The following SH3RF3 variants were observed in gnomAD, a reference collection of about 807,000 sequenced individuals.
SH3RF3 encodes the protein E3 ubiquitin-protein ligase SH3RF3.
A neutral mutation model predicts 66.3 loss-of-function variants in SH3RF3; 29 were observed. The observed-to-expected ratio is 0.44, with a 90% CI of 0.33 to 0.60. The LOEUF (loss-of-function observed/expected upper bound fraction) is 0.60, where lower values mean the gene tolerates loss of function less well. SH3RF3 is among the 20% of genes least tolerant of loss of function. The pLI is 0.04. For synonymous variants in SH3RF3, 583 were observed against 532.0 expected, an observed-to-expected ratio of 1.10 and a Z score of -1.32; for missense variants, 1,194 against 1,190.9, an observed-to-expected ratio of 1.00 and a Z score of -0.04.
chr2:109,159,894 A>G lies in SH3RF3; in HGVS notation c.573+29781A>G, dbSNP rs558853837. On this transcript the variant is annotated intron_variant, in intron 1 of 9. Transcript: ENST00000309415. ...TGTCTAGTTGCAGAAAAGCAAACTC[A>G]TGGCTCCAACTGATTCTACATTATG... Among the ~76,000 whole-genome samples, 155 of 152,320 alleles carry G rather than the reference A, an allele frequency of 1.0e-3. 1 individual carries two copies. The highest frequency in any genetic ancestry group is 2.0e-3 in the Non-Finnish European group (139 of 68,028).
rs139971277 is a variant in SH3RF3 at position 109,208,058 on chromosome 2, C to G, written c.573+77945C>G. ...CGATTTGTTAAATTCAACAATTCTG[C>G]AAATATTTACGGAATGCCTGTGCTG... On this transcript the variant is annotated intron_variant, in intron 1 of 9. Transcript: ENST00000309415. Among the ~76,000 whole-genome samples, 1,452 of 152,284 alleles carry G rather than the reference C, an allele frequency of 9.5e-3. 24 individuals are homozygous for G. Among genetic ancestry groups the G allele is most frequent in the African/African-American group, 0.032 (1,344 of 41,560 alleles).
chr2:109,497,411 C>G (rs918804370), intron 9 of SH3RF3, among the ~76,000 whole-genome samples: 1 of 152,196 alleles, frequency 6.6e-6, no homozygotes, highest in Admixed American at 6.5e-5. Flanking sequence ...ATCCAAACCT[C>G]GCACACAGAG....
intron 1 of SH3RF3, among the ~76,000 whole-genome samples, chr2:109,234,080 G>A (rs1679585121): frequency 1.3e-5 from 2 of 152,210 alleles, no homozygotes; most frequent in South Asian, 4.1e-4. Flanking sequence ...TTTAGGAGTA[G>A]AATTGCTGGA....
At chr2:109,252,220 C>T (rs1014415246) in intron 1 of SH3RF3, among the ~76,000 whole-genome samples, 3 of 151,366 alleles carry the variant, frequency 2.0e-5, no homozygotes, top group African/African-American at 7.3e-5. Flanking sequence ...TGCGCTCCAG[C>T]CCAGGTGACA....
rs1215827399 is a variant in SH3RF3 at position 109,283,948 on chromosome 2, C to T, written c.574-63726C>T. Among the ~76,000 whole-genome samples the T allele has an allele frequency of 3.9e-5, 6 of 152,140 alleles. No individual in the cohort carries two copies. In the South Asian group the frequency reaches 6.2e-4, roughly 16 times the overall value. On this transcript the variant is annotated intron_variant, in intron 1 of 9. Coordinates refer to ENST00000309415, the MANE Select transcript of SH3RF3 (RefSeq NM_001099289.3). ...ATCTCACTTGGGGAGGCCGTGTTTC[C>T]GCCTCCCTCCTGTCCCCACACCTCT...
intron 7 of SH3RF3, among the ~76,000 whole-genome samples, chr2:109,444,056 A>C (rs749812392): frequency 2.6e-5 from 4 of 152,234 alleles, no homozygotes; most frequent in Non-Finnish European, 4.4e-5. Context: ...TTCCCTGACC[A>C]CAGTGGCATT....
intron 1 of SH3RF3, among the ~76,000 whole-genome samples, chr2:109,216,116 A>G (rs1203254848): frequency 2.0e-5 from 3 of 152,108 alleles, no homozygotes; most frequent in Non-Finnish European, 4.4e-5. Flanking sequence ...AACCCGGGGG[A>G]CATCGTGAGG....
Position 109,230,067 on chromosome 2 carries a change from G to A in SH3RF3, c.573+99954G>A, listed in dbSNP as rs545744605. 3.8e-4 allele frequency among the ~76,000 whole-genome samples: 58 copies of A among 151,696 alleles called. No individual in the cohort carries two copies. In the East Asian group the frequency reaches 3.9e-3, roughly 10 times the overall value. On this transcript the variant is annotated intron_variant, in intron 1 of 9. Transcript: ENST00000309415. ...TCTCGATCTCTTGACTTCGTGATCCGCCCGCCTCAGCCTCCCAAAGTGCTG... is the reference window on the plus strand; with the variant it reads ...TCTCGATCTCTTGACTTCGTGATCCACCCGCCTCAGCCTCCCAAAGTGCTG...
At chr2:109,207,465 T>C (rs1678867845) in intron 1 of SH3RF3, among the ~76,000 whole-genome samples, 1 of 152,214 alleles carries the variant, frequency 6.6e-6, no homozygotes, top group Non-Finnish European at 1.5e-5. Context: ...GGTAATTATA[T>C]ATGTAATAAT....
At chr2:109,401,294 A>C (rs1455912858) in intron 4 of SH3RF3, among the ~76,000 whole-genome samples, 1 of 152,206 alleles carries the variant, frequency 6.6e-6, no homozygotes, top group Non-Finnish European at 1.5e-5. Context: ...TTTGGCTCAA[A>C]GGGAAGTTGC....
At chr2:109,416,789 C>G (rs1040094003) in intron 4 of SH3RF3, among the ~76,000 whole-genome samples, 1 of 151,716 alleles carries the variant, frequency 6.6e-6, no homozygotes, top group Non-Finnish European at 1.5e-5. Flanking sequence ...AACTGTAATC[C>G]CGGCTACTCA....
At chr2:109,248,775 TTCTTTCTGTCTTTC>T (rs941533836) in intron 1 of SH3RF3, among the ~76,000 whole-genome samples, 11 of 151,154 alleles carry the variant, frequency 7.3e-5, no homozygotes, top group African/African-American at 2.7e-4. Flanking sequence ...TCTCTTTCTC[TTCTTTCTGTCTTTC>T]TCTTTCTGTC....
At chr2:109,134,007 G>T (rs2104806138) in intron 1 of SH3RF3, among the ~76,000 whole-genome samples, 1 of 152,290 alleles carries the variant, frequency 6.6e-6, no homozygotes, top group Admixed American at 6.5e-5. Flanking sequence ...GGTGTCTATG[G>T]TATCTGGAAG....
chr2:109,151,032 A>C (rs1289176873), intron 1 of SH3RF3, among the ~76,000 whole-genome samples: 1 of 152,182 alleles, frequency 6.6e-6, no homozygotes, highest in Admixed American at 6.5e-5. Context: ...AGTGCAATGC[A>C]AGGGAGAGGC....
At chr2:109,138,104 C>T (rs1324590489) in intron 1 of SH3RF3, among the ~76,000 whole-genome samples, 1 of 152,240 alleles carries the variant, frequency 6.6e-6, no homozygotes, top group Non-Finnish European at 1.5e-5. Flanking sequence ...CTACCTCCGC[C>T]TCCAGGGTTC....
chr2:109,385,088 C>T (rs1012782714), intron 3 of SH3RF3, among the ~76,000 whole-genome samples: 2 of 152,204 alleles, frequency 1.3e-5, no homozygotes, highest in African/African-American at 2.4e-5. Context: ...TTCATCTGTC[C>T]CTTCCTCTGT....
intron 1 of SH3RF3, among the ~76,000 whole-genome samples, chr2:109,235,694 G>T (rs957880708): frequency 6.6e-6 from 1 of 152,228 alleles, no homozygotes; most frequent in Non-Finnish European, 1.5e-5. Context: ...CCAACATAAA[G>T]ATTGAAGGTG....
chr2:109,429,139 G>A (rs1573244074), intron 5 of SH3RF3, among the ~76,000 whole-genome samples: 3 of 152,220 alleles, frequency 2.0e-5, no homozygotes, highest in South Asian at 2.1e-4. Flanking sequence ...GGCCGGTCTC[G>A]GCACAAATTG....
intron 1 of SH3RF3, among the ~76,000 whole-genome samples, chr2:109,189,775 T>C (rs946825163): frequency 6.6e-6 from 1 of 152,212 alleles, no homozygotes; most frequent in Admixed American, 6.5e-5. Flanking sequence ...AAGCAGATCT[T>C]TTACAAGTTC....
Sources: gnomAD v4.1 joint callset for allele counts (sites outside exome capture counted in the v4.1 genomes callset) on GRCh38, gnomAD v4.1.1 for gene constraint, MANE v1.5 for transcripts, NCBI Gene and HGNC (gene_info 2026-07-23, HGNC 2026-07-21) for gene names.